Variants in SLC26A11 observed in about 807,000 individuals in gnomAD.
The protein encoded by SLC26A11 is sodium-independent sulfate anion transporter.
A neutral mutation model predicts 62.2 loss-of-function variants in SLC26A11; 58 were observed. That is an observed-to-expected ratio of 0.93 (90% CI 0.76 to 1.16). The LOEUF is 1.16. SLC26A11 is among the 50% of genes most tolerant of loss of function. SLC26A11 has a pLI of 0.00. For synonymous variants in SLC26A11, 411 were observed against 368.9 expected, an observed-to-expected ratio of 1.11 and a Z score of -1.31; for missense variants, 790 against 794.3, an observed-to-expected ratio of 0.99 and a Z score of 0.06.
intron 7 of SLC26A11, among the ~76,000 whole-genome samples, chr17:80,236,625 T>C (rs1159962480): frequency 6.6e-6 from 1 of 152,220 alleles, no homozygotes; most frequent in African/African-American, 2.4e-5. Flanking sequence ...TTGAGGTGGA[T>C]GTGCCCTGGG....
rs947459751 is a variant in SLC26A11, at chr17:80,223,820, C to A, written c.513+483C>A. On this transcript the variant is annotated intron_variant, in intron 5 of 17. Coordinates refer to ENST00000361193, the MANE Select transcript of SLC26A11 (RefSeq NM_001166347.2). This position sits in a 1 kb window ranked among gnomAD's most constrained non-coding sequence, Gnocchi z 4.6. ...TTAAATGCCATGCCTTTTATATTTT[C>A]TTTTAAAACATTTATAATAAGTACT... 6.6e-6 allele frequency among the ~76,000 whole-genome samples: 1 copy of A among 152,030 alleles called. No homozygotes were observed. The highest frequency in any genetic ancestry group is 1.5e-5 in the Non-Finnish European group (1 of 67,984).
chr17:80,226,023 G>A, intron 6 of SLC26A11, 107 bp downstream of exon 6: 1 of 997,708 alleles, frequency 1.0e-6, no homozygotes, highest in South Asian at 1.4e-5. Context: ...CTCAAACAGG[G>A]GTCCCCAGAG....
rs776133581 is a variant in SLC26A11 at position 80,237,562 on chromosome 17, T to TC, written c.955dup (p.Leu319ProfsTer15). 2 of 1,612,308 alleles carry TC rather than the reference T, an allele frequency of 1.2e-6. No individual in the cohort carries two copies. The highest frequency in any genetic ancestry group is 3.3e-5 in the Admixed American group (2 of 59,832). ...CTGGCCGTGGTGCCCCTGATGGGCC[T>TC]CCTGGAGAGCATTGCGGTGGCCAAA... On this transcript the variant is annotated frameshift_variant, in exon 9 of 18. Coordinates refer to ENST00000361193, the MANE Select transcript of SLC26A11 (RefSeq NM_001166347.2). LOFTEE classifies it high-confidence loss of function.
chr17:80,237,548 G>A lies in SLC26A11; in HGVS notation c.939G>A (p.Val313=). ...VQDMGAGLAV[V]PLMGLLESIA... is the part of the protein sequence containing the mutation. ...ACATGGGAGCCGGGCTGGCCGTGGT[G>A]CCCCTGATGGGCCTCCTGGAGAGCA... The change falls in exon 9 of 18, where the codon GTG becomes GTA. Residue 313 remains valine, a synonymous_variant. Transcript: ENST00000361193. 1 of 1,611,864 alleles carries A rather than the reference G, an allele frequency of 6.2e-7. No individual in the cohort carries two copies. The highest frequency in any genetic ancestry group is 1.1e-5 in the South Asian group (1 of 90,210).
Position 80,236,958 on chromosome 17 carries a change from C to T in SLC26A11, c.767C>T (p.Ala256Val). The change falls in exon 8 of 18, where the codon GCC (alanine) becomes GTC (valine). Residue 256 changes from alanine (A) to valine (V), a missense_variant. By Grantham distance (64) the Ala-to-Val change is moderately conservative (BLOSUM62 0). Coordinates refer to ENST00000361193, the MANE Select transcript of SLC26A11 (RefSeq NM_001166347.2). Reference protein sequence around the residue: ...ARNALVVSFAALVAYSFEVTG... With the variant: ...ARNALVVSFAVLVAYSFEVTG... ...AACGCCCTGGTGGTCTCCTTCGCAGCCCTGGTTGCGTACTCCTTCGAGGTG... is the reference window on the plus strand; with the variant it reads ...AACGCCCTGGTGGTCTCCTTCGCAGTCCTGGTTGCGTACTCCTTCGAGGTG... 3.7e-6 allele frequency: 6 copies of T among 1,613,890 alleles called. No individual in the cohort carries two copies. The highest frequency in any genetic ancestry group is 5.1e-6 in the Non-Finnish European group (6 of 1,179,820).
In SLC26A11 at chr17:80,222,419, C is replaced by A; in HGVS notation, c.235-236C>A. 1 of 499,032 alleles carries A rather than the reference C, an allele frequency of 2.0e-6. No homozygotes were observed. Among genetic ancestry groups the A allele is most frequent in the South Asian group, 3.6e-5 (1 of 28,080 alleles). The allele number at this position is 499,032 out of a possible 1,614,324, so 30.9% of individuals were successfully genotyped here. A position where few individuals can be genotyped will look rare whatever the true frequency, so the allele number is the denominator to read the frequency against. On this transcript the variant is annotated intron_variant, in intron 3 of 17. Coordinates refer to ENST00000361193, the MANE Select transcript of SLC26A11 (RefSeq NM_001166347.2). The surrounding 1 kb of genome is among the most constrained non-coding windows in gnomAD (Gnocchi z 4.7). The stretch of plus-strand genomic sequence containing the variant: ...TGCTTCCTCAGACTTGGACACAGCA[C>A]ACGGGCCTGCACCGACCCCTCTGCC...
chr17:80,251,366 A>C lies in SLC26A11; in HGVS notation c.1694A>C (p.Lys565Thr). 1 of 1,614,116 alleles carries C rather than the reference A, an allele frequency of 6.2e-7. No individual in the cohort carries two copies. The highest frequency in any genetic ancestry group is 8.5e-7 in the Non-Finnish European group (1 of 1,179,998). The part of the protein sequence containing the change: ...VLRVLLSADL[K>T]GFQYFSTLEE... ...CGTGTCCTGCTGTCCGCTGACCTGA[A>C]GGGGTTCCAGTACTTCTCTACCCTG... is the stretch of plus-strand genomic sequence containing the variant. Residue 565 changes from lysine to threonine, a missense_variant, in exon 17 of 18, where the codon AAG becomes ACG. Physicochemically the swap from Lys to Thr is moderately conservative, Grantham distance 78 (BLOSUM62 -1). Transcript: ENST00000361193.
chr17:80,227,785 C>T (rs746805699), intron 6 of SLC26A11, 33 bp from the exon 7 acceptor site: 4 of 1,597,788 alleles, frequency 2.5e-6, no homozygotes, highest in Admixed American at 3.3e-5. Flanking sequence ...CTGGGCCGAG[C>T]TGGGTGGTGA....
At chr17:80,235,799 AG>A (rs1466772691) in intron 7 of SLC26A11, among the ~76,000 whole-genome samples, 3 of 152,266 alleles carry the variant, frequency 2.0e-5, no homozygotes, top group Non-Finnish European at 4.4e-5. Flanking sequence ...TAAGTTACTT[AG>A]GACAGTTCGA....
At position 80,249,259 on chromosome 17, in the gene SLC26A11, G is replaced by GC. The variant is rs1567969257; in HGVS notation, c.1629dup (p.Val544ArgfsTer20). 1 of 1,611,100 alleles carries GC rather than the reference G, an allele frequency of 6.2e-7. No individual in the cohort carries two copies. The highest frequency in any genetic ancestry group is 8.5e-7 in the Non-Finnish European group (1 of 1,180,006). On this transcript the variant is annotated frameshift_variant, in exon 16 of 18. Coordinates refer to ENST00000361193, the MANE Select transcript of SLC26A11 (RefSeq NM_001166347.2). LOFTEE classifies it high-confidence loss of function. ...CTCCTCCAGGACTTCCAGAAGCAGGGCGTCGCCCTGGCCTTTGTGGGCCTG... is the reference window on the plus strand; with the variant it reads ...CTCCTCCAGGACTTCCAGAAGCAGGGCCGTCGCCCTGGCCTTTGTGGGCCTG...
Position 80,251,380 on chromosome 17 carries a change from T to G in SLC26A11, c.1708T>G (p.Phe570Val). 6.2e-7 allele frequency: 1 copy of G among 1,614,136 alleles called. No individual in the cohort carries two copies. The highest frequency in any genetic ancestry group is 1.3e-5 in the African/African-American group (1 of 75,062). Reference protein sequence around the residue: ...LSADLKGFQYFSTLEEAEKHL... With the variant: ...LSADLKGFQYVSTLEEAEKHL... ...CGCTGACCTGAAGGGGTTCCAGTAC[T>G]TCTCTACCCTGGAAGAAGCAGGTGG... The change falls in exon 17 of 18, where the codon TTC becomes GTC. Residue 570 changes from phenylalanine (F) to valine (V), a missense_variant. Transcript: ENST00000361193.
chr17:80,230,357 C>G (rs539937880), intron 7 of SLC26A11, among the ~76,000 whole-genome samples: 26 of 152,162 alleles, frequency 1.7e-4, no homozygotes, highest in African/African-American at 6.0e-4. Flanking sequence ...CTCACAGGTC[C>G]TAGAGACAGG....
intron 7 of SLC26A11, among the ~76,000 whole-genome samples, chr17:80,230,259 T>C (rs56279707): frequency 0.051 from 7,690 of 150,996 alleles, 245 homozygotes; most frequent in Non-Finnish European, 0.07. Context: ...TTCAGAGACT[T>C]GTTTTGTATG....
chr17:80,220,604 G>T (rs1001712764), intron 1 of SLC26A11, 108 bp downstream of exon 1: 35 of 347,284 alleles, frequency 1.0e-4, no homozygotes, highest in Non-Finnish European at 1.8e-4. Flanking sequence ...GCGGAGTCCT[G>T]AAGTGCGGGG....
At chr17:80,250,897 T>G (rs558054023) in intron 16 of SLC26A11, among the ~76,000 whole-genome samples, 4 of 151,892 alleles carry the variant, frequency 2.6e-5, no homozygotes, top group Admixed American at 6.6e-5. Flanking sequence ...TCCCAGCACT[T>G]TGGGAGGCCG....
intron 7 of SLC26A11, among the ~76,000 whole-genome samples, chr17:80,236,320 C>T (rs2144923857): frequency 6.6e-6 from 1 of 152,372 alleles, no homozygotes; most frequent in East Asian, 1.9e-4. Context: ...CTCCTGTGAC[C>T]TTGCGGTCAG....
intron 10 of SLC26A11, among the ~76,000 whole-genome samples, chr17:80,244,994 A>AAT: frequency 6.6e-6 from 1 of 151,506 alleles, no homozygotes. Context: ...AAAAAAAAAA[A>AAT]AAAGGCTAGG....
At position 80,225,900 on chromosome 17, in the gene SLC26A11, A is replaced by G. The variant is rs1236540061; in HGVS notation, c.577A>G (p.Arg193Gly). The G allele has an allele frequency of 7.4e-6, 12 of 1,613,838 alleles. 1 individual carries two copies. The highest frequency in any genetic ancestry group is 9.3e-6 in the Non-Finnish European group (11 of 1,179,914). ...CCTGCAGGTGTACCACACCTTCCTC[A>G]GGATTGCAGAGACCAGGTACCCCGG... is the stretch of plus-strand genomic sequence containing the variant. ...FFLQVYHTFLRIAETRVGDAV... is the reference protein window; with the variant it reads ...FFLQVYHTFLGIAETRVGDAV... The change falls in exon 6 of 18, where the codon AGG becomes GGG. Residue 193 changes from arginine to glycine, a missense_variant. Arg to Gly is a moderately radical substitution (Grantham distance 125). Transcript: ENST00000361193.
At chr17:80,243,724 AGATCTATTCT>A (rs1415523321) in intron 10 of SLC26A11, among the ~76,000 whole-genome samples, 1 of 152,212 alleles carries the variant, frequency 6.6e-6, no homozygotes, top group African/African-American at 2.4e-5. Context: ...AAAATACCAC[AGATCTATTCT>A]GACAGCACCC....
Sources: allele counts gnomAD v4.1 joint callset (sites outside exome capture counted in the v4.1 genomes callset), GRCh38; gene constraint gnomAD v4.1.1; non-coding constraint Gnocchi (gnomAD v3.1); transcripts MANE v1.5; gene names NCBI Gene and HGNC (gene_info 2026-07-23, HGNC 2026-07-21).